Variants in PRKN observed in about 807,000 individuals in gnomAD.
PRKN encodes E3 ubiquitin-protein ligase parkin.
A neutral mutation model predicts 59.5 loss-of-function variants in PRKN; 56 were observed. The observed-to-expected ratio is 0.94, with a 90% CI of 0.76 to 1.18. The LOEUF is 1.18. Ranked by LOEUF, PRKN falls within the 50% of genes most tolerant of loss-of-function variation. PRKN has a pLI of 0.00. For synonymous variants in PRKN, 250 were observed against 222.1 expected, an observed-to-expected ratio of 1.13 and a Z score of -1.12; for missense variants, 657 against 596.4, an observed-to-expected ratio of 1.10 and a Z score of -1.06.
At chr6:162,314,141 G>C (rs951972995) in intron 2 of PRKN, among the ~76,000 whole-genome samples, 1 of 152,072 alleles carries the variant, frequency 6.6e-6, no homozygotes, top group Admixed American at 6.6e-5. Context: ...TTCCCATGCA[G>C]AATTAATCTG....
At chr6:162,116,666 A>G (rs1780687687) in intron 4 of PRKN, among the ~76,000 whole-genome samples, 1 of 152,218 alleles carries the variant, frequency 6.6e-6, no homozygotes. Flanking sequence ...CAGAGATAAA[A>G]CAAATAGCTC....
intron 6 of PRKN, among the ~76,000 whole-genome samples, chr6:161,791,093 G>C (rs1790619073): frequency 6.6e-6 from 1 of 152,144 alleles, no homozygotes; most frequent in Non-Finnish European, 1.5e-5. Flanking sequence ...GATCGATCCA[G>C]AGATGATTTC....
intron 5 of PRKN, among the ~76,000 whole-genome samples, chr6:161,979,275 C>T (rs1226694223): frequency 6.6e-6 from 1 of 151,870 alleles, no homozygotes; most frequent in Non-Finnish European, 1.5e-5. Flanking sequence ...GCGTTTTCAA[C>T]TTTATTTATT....
rs1391714701 is a variant in PRKN at position 162,114,593 on chromosome 6, C to T, written c.535-60419G>A. Among the ~76,000 whole-genome samples, 6 of 152,000 alleles carry T rather than the reference C, an allele frequency of 3.9e-5. No homozygotes were observed. The East Asian group carries it at 7.7e-4, about 20-fold the overall frequency. On this transcript the variant is annotated intron_variant, in intron 4 of 11. Coordinates refer to ENST00000366898, the MANE Select transcript of PRKN (RefSeq NM_004562.3). ...ATCCTGAATATTTTCACAACCTACT[C>T]GTCTGAAAAAGGGCTAATATCCAGA...
At chr6:161,657,857 C>A (rs1447712680) in intron 7 of PRKN, among the ~76,000 whole-genome samples, 1 of 151,648 alleles carries the variant, frequency 6.6e-6, no homozygotes, top group African/African-American at 2.4e-5. Context: ...GAAACCTTGT[C>A]TCTACTAAAA....
intron 4 of PRKN, among the ~76,000 whole-genome samples, chr6:162,139,492 G>A (rs996061680): frequency 6.6e-6 from 1 of 152,152 alleles, no homozygotes; most frequent in African/African-American, 2.4e-5. Flanking sequence ...AGGACGTCGG[G>A]TGTGGGAAGG....
At chr6:161,816,193 A>G (rs992051307) in intron 6 of PRKN, among the ~76,000 whole-genome samples, 1 of 152,158 alleles carries the variant, frequency 6.6e-6, no homozygotes, top group African/African-American at 2.4e-5. Flanking sequence ...GAGCTGGGAC[A>G]TATGCAGCAG....
chr6:161,512,571 C>A (rs367821052), intron 9 of PRKN, among the ~76,000 whole-genome samples: 2 of 152,152 alleles, frequency 1.3e-5, no homozygotes, highest in Non-Finnish European at 2.9e-5. Context: ...ATTGAACACA[C>A]CTGGCTTGGA....
intron 1 of PRKN, among the ~76,000 whole-genome samples, chr6:162,684,545 G>A (rs370934174): frequency 1.3e-5 from 2 of 152,110 alleles, no homozygotes; most frequent in East Asian, 1.9e-4. Context: ...GGAAACTCAG[G>A]AAAACAAGCT....
At position 161,909,108 on chromosome 6, in the gene PRKN, T is replaced by C. The variant is rs577433909; in HGVS notation, c.734+64194A>G. Among the ~76,000 whole-genome samples, 4 of 152,332 alleles carry C rather than the reference T, an allele frequency of 2.6e-5. No individual in the cohort carries two copies. The East Asian group carries it at 7.7e-4, about 29-fold the overall frequency. On this transcript the variant is annotated intron_variant, in intron 6 of 11. Transcript: ENST00000366898. Reference sequence around the variant, plus strand: ...TCCTGTTCTTTCTTTATAAAATACATGGAGAACTAAATCCGCAGGATGCTC... The same window carrying C: ...TCCTGTTCTTTCTTTATAAAATACACGGAGAACTAAATCCGCAGGATGCTC...
chr6:161,507,713 T>C (rs1230517737), intron 9 of PRKN, among the ~76,000 whole-genome samples: 2 of 152,202 alleles, frequency 1.3e-5, no homozygotes, highest in Admixed American at 6.5e-5. Flanking sequence ...GCACAGTTGA[T>C]ATTTTCTGTC....
chr6:161,699,455 C>T lies in PRKN; in HGVS notation c.871+86317G>A, dbSNP rs142823274. On this transcript the variant is annotated intron_variant, in intron 7 of 11. Transcript: ENST00000366898. ...ACCCAAACGTCCACCAACAGGTAAA[C>T]GGATAACAAACTGTGAAATGTCTCC... Among the ~76,000 whole-genome samples the T allele has an allele frequency of 6.5e-4, 99 of 152,116 alleles. 1 individual carries two copies. The highest frequency in any genetic ancestry group is 1.8e-3 in the African/African-American group (75 of 41,508).
intron 6 of PRKN, among the ~76,000 whole-genome samples, chr6:161,952,391 G>A (rs1319755762): frequency 6.6e-6 from 1 of 152,154 alleles, no homozygotes; most frequent in Non-Finnish European, 1.5e-5. Flanking sequence ...GCCAAGGTGG[G>A]CAGATCATTT....
intron 7 of PRKN, among the ~76,000 whole-genome samples, chr6:161,654,732 A>G (rs376957044): frequency 6.6e-5 from 10 of 152,208 alleles, no homozygotes; most frequent in African/African-American, 2.4e-4. Flanking sequence ...CACAGTGAGC[A>G]TGGTGGTGGC....
At chr6:162,515,670 T>C in intron 1 of PRKN, among the ~76,000 whole-genome samples, 1 of 152,202 alleles carries the variant, frequency 6.6e-6, no homozygotes, top group East Asian at 1.9e-4. Context: ...ATTCTGGTTT[T>C]ACTTATTCAA....
intron 4 of PRKN, among the ~76,000 whole-genome samples, chr6:162,193,408 T>C (rs747503823): frequency 6.6e-6 from 1 of 152,142 alleles, no homozygotes; most frequent in Non-Finnish European, 1.5e-5. Context: ...ACTCTGGCTT[T>C]TGCCCAGGTC....
intron 1 of PRKN, among the ~76,000 whole-genome samples, chr6:162,642,063 T>A (rs1777985057): frequency 6.6e-6 from 1 of 152,222 alleles, no homozygotes; most frequent in Non-Finnish European, 1.5e-5. Flanking sequence ...CAAATGCACT[T>A]ACACAGTTGT....
At chr6:162,192,284 A>T (rs1289731738) in intron 4 of PRKN, among the ~76,000 whole-genome samples, 3 of 152,156 alleles carry the variant, frequency 2.0e-5, no homozygotes, top group Non-Finnish European at 4.4e-5. Flanking sequence ...TCTTTTACAT[A>T]AAAAGTAAGT....
intron 6 of PRKN, among the ~76,000 whole-genome samples, chr6:161,908,589 GA>G (rs11339005): frequency 0.4 from 59,396 of 148,098 alleles, 12,099 homozygotes; most frequent in Middle Eastern, 0.54. Flanking sequence ...GTGATTACAA[GA>G]AAAAAAAACG....
Sources: allele counts gnomAD v4.1 joint callset (sites outside exome capture counted in the v4.1 genomes callset), GRCh38; gene constraint gnomAD v4.1.1; transcripts MANE v1.5; gene names NCBI Gene and HGNC (gene_info 2026-07-23, HGNC 2026-07-21).